Variants in RUNX1T1 observed in about 807,000 individuals in gnomAD.
The protein encoded by RUNX1T1 is RUNX1 partner transcriptional co-repressor 1, also known as protein CBFA2T1.
A neutral mutation model predicts 62.8 loss-of-function variants in RUNX1T1; 4 were observed. That is an observed-to-expected ratio of 0.06 (90% CI 0.03 to 0.15). The LOEUF (loss-of-function observed/expected upper bound fraction) is 0.15. RUNX1T1 is among the 10% of genes least tolerant of loss of function. The pLI is 1.00. For synonymous variants in RUNX1T1, 291 were observed against 286.0 expected (o/e 1.02, Z -0.18); for missense variants, 508 against 754.3 (o/e 0.67, Z 3.82).
At chr8:92,031,498 G>A (rs907955241) in intron 1 of RUNX1T1, among the ~76,000 whole-genome samples, 5 of 152,112 alleles carry the variant, frequency 3.3e-5, no homozygotes, top group African/African-American at 4.8e-5. Flanking sequence ...TTGAGACAGG[G>A]TCTTGCTCTA....
intron 8 of RUNX1T1, among the ~76,000 whole-genome samples, chr8:91,984,059 G>A (rs1586819492): frequency 6.6e-6 from 1 of 152,156 alleles, no homozygotes; most frequent in African/African-American, 2.4e-5. Flanking sequence ...TTAAATGCTT[G>A]TACCCTTTGA....
At chr8:92,031,976 C>G (rs1826317584) in intron 1 of RUNX1T1, among the ~76,000 whole-genome samples, 1 of 151,374 alleles carries the variant, frequency 6.6e-6, no homozygotes, top group Non-Finnish European at 1.5e-5. Context: ...ACCTGTAATC[C>G]CAGCTACCTG....
chr8:92,071,799 C>G (rs1182274337), intron 2 of RUNX1T1, among the ~76,000 whole-genome samples: 1 of 152,142 alleles, frequency 6.6e-6, no homozygotes, highest in African/African-American at 2.4e-5. Context: ...GAGCCTGACC[C>G]CGAAGCTGCG....
chr8:91,966,381 C>T (rs116247750), intron 10 of RUNX1T1, among the ~76,000 whole-genome samples: 2,085 of 152,004 alleles, frequency 0.014, 51 homozygotes, highest in African/African-American at 0.047. Context: ...CAGCTCTGCA[C>T]CTATATAAGA....
At chr8:92,086,855 G>A (rs141589028) in intron 1 of RUNX1T1, among the ~76,000 whole-genome samples, 26 of 152,014 alleles carry the variant, frequency 1.7e-4, no homozygotes, top group Non-Finnish European at 3.2e-4. Context: ...CAAACCCAAC[G>A]CTGGTCATCC....
intron 1 of RUNX1T1, among the ~76,000 whole-genome samples, chr8:92,025,763 T>A (rs1265879000): frequency 1.3e-5 from 2 of 152,218 alleles, no homozygotes; most frequent in Non-Finnish European, 2.9e-5. Context: ...AAATCATCTA[T>A]GTATCTCTTT....
At chr8:91,993,042 A>C (rs181059278) in intron 5 of RUNX1T1, among the ~76,000 whole-genome samples, 1 of 152,316 alleles carries the variant, frequency 6.6e-6, no homozygotes, top group Admixed American at 6.5e-5. Context: ...CAGCACTCTT[A>C]TCTTTAGACA....
At chr8:92,073,373 GC>G (rs1254457161) in intron 2 of RUNX1T1, among the ~76,000 whole-genome samples, 1 of 151,754 alleles carries the variant, frequency 6.6e-6, no homozygotes, top group Non-Finnish European at 1.5e-5. Flanking sequence ...CCACCCTCCT[GC>G]CCCCCAGCCT....
chr8:92,045,268 T>C (rs1312122298), intron 1 of RUNX1T1, among the ~76,000 whole-genome samples: 1 of 152,154 alleles, frequency 6.6e-6, no homozygotes, highest in East Asian at 1.9e-4. Flanking sequence ...AACACCCATT[T>C]AGTATTTTCC....
At chr8:92,030,223 C>T (rs1054025507) in intron 1 of RUNX1T1, among the ~76,000 whole-genome samples, 1 of 152,118 alleles carries the variant, frequency 6.6e-6, no homozygotes, top group Non-Finnish European at 1.5e-5. Flanking sequence ...TAAGCAATAT[C>T]GTACTACCTA....
At chr8:92,019,653 AT>A (rs1242592948) in intron 1 of RUNX1T1, among the ~76,000 whole-genome samples, 3 of 152,070 alleles carry the variant, frequency 2.0e-5, no homozygotes, top group Admixed American at 1.3e-4. Context: ...TTTGAAGGCT[AT>A]TTTTCTTTCC....
At chr8:91,980,898 C>T (rs1258867213) in intron 8 of RUNX1T1, among the ~76,000 whole-genome samples, 2 of 152,018 alleles carry the variant, frequency 1.3e-5, no homozygotes, top group Admixed American at 1.3e-4. Flanking sequence ...TCTCAAACTC[C>T]TGGACTCAAG....
intron 1 of RUNX1T1, among the ~76,000 whole-genome samples, chr8:92,092,215 C>T (rs1279279521): frequency 6.6e-6 from 1 of 152,238 alleles, no homozygotes; most frequent in South Asian, 2.1e-4. Context: ...GTTATAAGGA[C>T]GCAGTATTAT....
chr8:91,978,758 G>T (rs73696990), intron 8 of RUNX1T1, among the ~76,000 whole-genome samples: 394 of 152,178 alleles, frequency 2.6e-3, no homozygotes, highest in African/African-American at 9.0e-3. Flanking sequence ...ATATTAACGT[G>T]CCAGGCTCAA....
chr8:91,989,019 G>C (rs575190585), intron 6 of RUNX1T1, among the ~76,000 whole-genome samples: 4 of 151,986 alleles, frequency 2.6e-5, no homozygotes, highest in Admixed American at 6.6e-5. Context: ...GGGATGTACC[G>C]GGGGAAATAT....
upstream of RUNX1T1, among the ~76,000 whole-genome samples, chr8:92,065,069 A>G (rs978689219): frequency 4.6e-5 from 7 of 152,118 alleles, no homozygotes; most frequent in African/African-American, 1.7e-4. Flanking sequence ...TCTTTAATCC[A>G]TGGAGGCAAG....
At chr8:92,054,930 G>A (rs1042320739) in intron 1 of RUNX1T1, among the ~76,000 whole-genome samples, 8 of 152,076 alleles carry the variant, frequency 5.3e-5, no homozygotes, top group East Asian at 1.9e-4. Flanking sequence ...GCTTGAACCC[G>A]GGAGATGGAG....
chr8:92,091,484 C>T (rs1413985515), intron 1 of RUNX1T1, among the ~76,000 whole-genome samples: 1 of 152,176 alleles, frequency 6.6e-6, no homozygotes, highest in Non-Finnish European at 1.5e-5. Context: ...GACATGATTT[C>T]ATCAAGTATC....
intron 5 of RUNX1T1, among the ~76,000 whole-genome samples, chr8:91,997,464 C>T (rs1447203854): frequency 2.0e-5 from 3 of 152,134 alleles, no homozygotes; most frequent in Non-Finnish European, 2.9e-5. Context: ...TTCTAATATT[C>T]ATCCTGTCAT....
Sources: allele counts gnomAD v4.1 joint callset (sites outside exome capture counted in the v4.1 genomes callset), GRCh38; gene constraint gnomAD v4.1.1; transcripts MANE v1.5; gene names NCBI Gene and HGNC (gene_info 2026-07-23, HGNC 2026-07-21).